The following THADA variants were observed in gnomAD, a reference collection of about 807,000 sequenced individuals.
THADA encodes the protein THADA armadillo repeat containing.
A neutral mutation model predicts 219.8 loss-of-function variants in THADA; 213 were observed. That is an observed-to-expected ratio of 0.97 (90% CI 0.87 to 1.09). The LOEUF (loss-of-function observed/expected upper bound fraction) is 1.09, where lower values mean the gene tolerates loss of function less well. THADA is among the 50% of genes least tolerant of loss of function. THADA has a pLI of 0.00. For synonymous variants in THADA, 1,018 were observed against 828.9 expected (o/e 1.23, Z -3.92); for missense variants, 2,956 against 2,311.3 (o/e 1.28, Z -5.72).
intron 29 of THADA, among the ~76,000 whole-genome samples, chr2:43,350,231 T>A (rs1008377918): frequency 1.3e-5 from 2 of 152,054 alleles, no homozygotes; most frequent in Admixed American, 1.3e-4. Flanking sequence ...TGGCTCTAGG[T>A]CAGATTGAAA....
chr2:43,291,454 C>CAAAAAAAAAAAAAAAAAAAAAAAAAAA (rs765352765), intron 34 of THADA, among the ~76,000 whole-genome samples: 2 of 8,092 alleles, frequency 2.5e-4, no homozygotes, highest in African/African-American at 4.5e-4. Context: ...AACTCCATCT[C>CAAAAAAAAAAAAAAAAAAAAAAAAAAA]AAAAAAAAAA....
chr2:43,362,996 G>C (rs1573277224), intron 29 of THADA, among the ~76,000 whole-genome samples: 1 of 152,064 alleles, frequency 6.6e-6, no homozygotes, highest in East Asian at 1.9e-4. Context: ...TCCACATCCT[G>C]GTCCACTGGA....
chr2:43,483,092 C>T (rs917930402), intron 26 of THADA, among the ~76,000 whole-genome samples: 7 of 152,068 alleles, frequency 4.6e-5, no homozygotes, highest in Non-Finnish European at 1.0e-4. Context: ...TCCCTCTGAC[C>T]AAGAACACAC....
Position 43,571,809 on chromosome 2 carries a change from A to G in THADA, c.1962T>C (p.Ile654=). The part of the protein sequence containing the change: ...LLCESNRSTE[I]VSMEEMQWIQ... ...TCCACTGCATTTCTTCCATGGAAAC[A>G]ATTTCTGTGCTCCGATTACTTTCAC... Residue 654 remains isoleucine, a synonymous_variant, in exon 13 of 38, where the codon ATT becomes ATC. Coordinates refer to ENST00000405975, the MANE Select transcript of THADA (RefSeq NM_022065.5). The G allele has an allele frequency of 6.2e-7, 1 of 1,613,966 alleles. No individual in the cohort carries two copies. The highest frequency in any genetic ancestry group is 8.5e-7 in the Non-Finnish European group (1 of 1,179,864).
At chr2:43,540,793 T>G (rs1430371888) in intron 21 of THADA, among the ~76,000 whole-genome samples, 3 of 152,210 alleles carry the variant, frequency 2.0e-5, no homozygotes, top group African/African-American at 7.2e-5. Flanking sequence ...AACCAACATG[T>G]TACTTTTTTT....
chr2:43,346,510 A>G (rs1667645159), intron 29 of THADA, among the ~76,000 whole-genome samples: 1 of 152,172 alleles, frequency 6.6e-6, no homozygotes, highest in Non-Finnish European at 1.5e-5. Flanking sequence ...CTGGTCCCAA[A>G]GAATTCTGAG....
rs375247905 is a variant in THADA at position 43,586,716 on chromosome 2, T to G, written c.470A>C (p.Asn157Thr). 76 of 1,612,180 alleles carry G rather than the reference T, an allele frequency of 4.7e-5. No individual in the cohort carries two copies. The highest frequency in any genetic ancestry group is 6.4e-5 in the Non-Finnish European group (76 of 1,179,546). ...ATAGGACTTACCATTTTTAAGCAGATTATTAACACTTGCTCTACCTGTAGA... is the reference window on the plus strand; with the variant it reads ...ATAGGACTTACCATTTTTAAGCAGAGTATTAACACTTGCTCTACCTGTAGA... ...NFNLGRASVN[N>T]LLKNVLHFLQ... Residue 157 changes from asparagine (N) to threonine (T), a missense_variant, in exon 6 of 38, where the codon AAT (asparagine) becomes ACT (threonine). Transcript: ENST00000405975.
chr2:43,495,960 G>C (rs1448046151), intron 25 of THADA, among the ~76,000 whole-genome samples: 1 of 152,126 alleles, frequency 6.6e-6, no homozygotes, highest in East Asian at 1.9e-4. Flanking sequence ...TCTCTTACAG[G>C]AAGACGCACA....
At chr2:43,407,847 T>A (rs182788804) in intron 28 of THADA, among the ~76,000 whole-genome samples, 1 of 152,082 alleles carries the variant, frequency 6.6e-6, no homozygotes, top group Non-Finnish European at 1.5e-5. Context: ...TCACTCTAGA[T>A]AGTCTATGGG....
chr2:43,407,263 A>G (rs537323613), intron 28 of THADA, among the ~76,000 whole-genome samples: 8 of 152,242 alleles, frequency 5.3e-5, no homozygotes, highest in Non-Finnish European at 1.0e-4. Flanking sequence ...AAGACACTAC[A>G]CAAAGGAATA....
At chr2:43,285,506 A>C (rs1482608076) in intron 35 of THADA, among the ~76,000 whole-genome samples, 1 of 151,858 alleles carries the variant, frequency 6.6e-6, no homozygotes, top group Non-Finnish European at 1.5e-5. Flanking sequence ...CTTCCTGTTA[A>C]GACTATGGAA....
In THADA at chr2:43,514,736, A is replaced by T. The variant is rs1369382145; in HGVS notation, c.3375-5956T>A. Among the ~76,000 whole-genome samples, 6 of 88,892 alleles carry T rather than the reference A, an allele frequency of 6.7e-5. No homozygotes were observed. The East Asian group carries it at 2.0e-3, about 29-fold the overall frequency. The allele number at this position is 88,892 out of a possible 152,430, so 58.3% of individuals were successfully genotyped here. ...TAAATATATATTATATATAATATGT[A>T]TAATATATAATATTTTATATATAAT... On this transcript the variant is annotated intron_variant, in intron 22 of 37. Coordinates refer to ENST00000405975, the MANE Select transcript of THADA (RefSeq NM_022065.5).
intron 28 of THADA, among the ~76,000 whole-genome samples, chr2:43,398,438 G>A (rs1298797655): frequency 2.6e-5 from 4 of 152,164 alleles, no homozygotes; most frequent in African/African-American, 9.7e-5. Flanking sequence ...ACTATTTATT[G>A]GGTATTTATG....
At chr2:43,400,959 G>C (rs1482975623) in intron 28 of THADA, among the ~76,000 whole-genome samples, 1 of 152,138 alleles carries the variant, frequency 6.6e-6, no homozygotes, top group Admixed American at 6.5e-5. Context: ...TGATGAGGAA[G>C]AGTCTCAAGC....
rs771503796 is a variant in THADA, at chr2:43,551,885, T to C, written c.2851A>G (p.Lys951Glu). Residue 951 changes from lysine (K) to glutamate (E), a missense_variant, in exon 19 of 38, where the codon AAG (lysine) becomes GAG (glutamate). Transcript: ENST00000405975. Reference protein sequence around the residue: ...LVSEWRPVVEKLLLMSYRLST... With the variant: ...LVSEWRPVVEELLLMSYRLST... ...AGCCTGTAGGACATCAAAAGGAGCTTCTCTACCACAGGTCTCCACTCGCTC... is the reference window on the plus strand; with the variant it reads ...AGCCTGTAGGACATCAAAAGGAGCTCCTCTACCACAGGTCTCCACTCGCTC... The C allele has an allele frequency of 3.1e-6, 5 of 1,613,716 alleles. No homozygotes were observed. Among genetic ancestry groups the C allele is most frequent in the Non-Finnish European group, 3.4e-6 (4 of 1,179,832 alleles).
chr2:43,319,674 C>T (rs1169521280), intron 31 of THADA, among the ~76,000 whole-genome samples: 1 of 152,174 alleles, frequency 6.6e-6, no homozygotes, highest in Non-Finnish European at 1.5e-5. Flanking sequence ...TCTGCTTGCA[C>T]TCAGAATCTG....
At chr2:43,504,622 G>T (rs1009897471) in intron 24 of THADA, among the ~76,000 whole-genome samples, 1 of 152,174 alleles carries the variant, frequency 6.6e-6, no homozygotes, top group Non-Finnish European at 1.5e-5. Flanking sequence ...GCTCACACCT[G>T]TAATCCTAGC....
chr2:43,579,561 T>A (rs1016257700), intron 8 of THADA, among the ~76,000 whole-genome samples: 2 of 152,200 alleles, frequency 1.3e-5, no homozygotes, highest in African/African-American at 4.8e-5. Flanking sequence ...AAGAAAACTG[T>A]GACTTTGATT....
At chr2:43,514,713 AATAT>A (rs1279292038) in intron 22 of THADA, among the ~76,000 whole-genome samples, 1 of 72,476 alleles carries the variant, frequency 1.4e-5, no homozygotes, top group Non-Finnish European at 2.3e-5. Flanking sequence ...TATATATATA[AATAT>A]ATATTATATA....
Sources: allele counts gnomAD v4.1 joint callset (sites outside exome capture counted in the v4.1 genomes callset), GRCh38; gene constraint gnomAD v4.1.1; transcripts MANE v1.5; gene names NCBI Gene and HGNC (gene_info 2026-07-23, HGNC 2026-07-21).